The following SV2C variants were observed in gnomAD, a reference collection of about 807,000 sequenced individuals.
The protein encoded by SV2C is synaptic vesicle glycoprotein 2C.
Under a neutral mutation model 79.7 loss-of-function variants are expected in SV2C, and 49 were observed. The ratio of observed to expected loss-of-function variants is 0.61; its 90% confidence interval spans 0.49 to 0.78. The LOEUF (loss-of-function observed/expected upper bound fraction) is 0.78. SV2C is among the 30% of genes least tolerant of loss of function. SV2C has a pLI of 0.00. For synonymous variants in SV2C, 334 were observed against 333.2 expected (o/e 1.00, Z -0.03); for missense variants, 833 against 912.9 (o/e 0.91, Z 1.13).
At chr5:75,970,695 C>A in the SV2C span, among the ~76,000 whole-genome samples, 3 of 151,852 alleles carry the variant, frequency 2.0e-5, no homozygotes, top group Admixed American at 6.6e-5. Context: ...GCTTACCAAC[C>A]AAAAAAAGTC....
chr5:75,991,157 G>A, the SV2C span, among the ~76,000 whole-genome samples: 1 of 151,890 alleles, frequency 6.6e-6, no homozygotes, highest in African/African-American at 2.4e-5. Context: ...TTAACAGTAT[G>A]TTGTTTAAAA....
At chr5:76,070,014 T>G in the SV2C span, among the ~76,000 whole-genome samples, 4 of 152,128 alleles carry the variant, frequency 2.6e-5, no homozygotes, top group African/African-American at 9.7e-5. Context: ...TGTGCTGGCT[T>G]ATCACTTATT....
At position 76,330,066 on chromosome 5, in the gene SV2C, A is replaced by C. The variant is rs1749129750; in HGVS notation, c.*4519A>C. 6.1e-5 allele frequency: 2 copies of C among 32,794 alleles called. No individual in the cohort carries two copies. The highest frequency in any genetic ancestry group is 1.7e-4 in the Non-Finnish European group (2 of 11,814). The allele number at this position is 32,794 out of a possible 1,614,324, so 2.0% of individuals were successfully genotyped here. A position where few individuals can be genotyped will look rare whatever the true frequency, so the allele number is the denominator to read the frequency against. ...TCTCTTGTTATCTGTAATGTAGACAAAAAAAAAAAAAAACCTGTTAGTATA... is the reference window on the plus strand; with the variant it reads ...TCTCTTGTTATCTGTAATGTAGACACAAAAAAAAAAAAACCTGTTAGTATA... On this transcript the variant is annotated 3_prime_UTR_variant, in exon 13 of 13. Coordinates refer to ENST00000502798, the MANE Select transcript of SV2C (RefSeq NM_014979.4).
At chr5:76,218,398 A>G (rs181291877) in intron 4 of SV2C, among the ~76,000 whole-genome samples, 1 of 152,370 alleles carries the variant, frequency 6.6e-6, no homozygotes, top group Admixed American at 6.5e-5. Flanking sequence ...AATGTGGCAT[A>G]TATACAACAT....
chr5:76,037,871 C>G, the SV2C span, among the ~76,000 whole-genome samples: 1 of 152,242 alleles, frequency 6.6e-6, no homozygotes, highest in African/African-American at 2.4e-5. Flanking sequence ...TTTGATCTGA[C>G]TGCTGTGCTA....
At chr5:75,897,383 T>C in the SV2C span, among the ~76,000 whole-genome samples, 1 of 151,684 alleles carries the variant, frequency 6.6e-6, no homozygotes, top group African/African-American at 2.4e-5. Flanking sequence ...GTTGTAGATA[T>C]GCGGCGTTAT....
the SV2C span, among the ~76,000 whole-genome samples, chr5:75,918,311 G>A: frequency 6.6e-6 from 1 of 152,110 alleles, no homozygotes; most frequent in Non-Finnish European, 1.5e-5. Context: ...TTTCTTTTTG[G>A]TGTGTCCAAA....
chr5:76,170,072 T>A (rs994631949), intron 2 of SV2C, among the ~76,000 whole-genome samples: 3 of 152,188 alleles, frequency 2.0e-5, no homozygotes, highest in South Asian at 4.1e-4. Context: ...TTTTTATTTT[T>A]ATTTTTATTT....
the SV2C span, among the ~76,000 whole-genome samples, chr5:76,067,771 T>C: frequency 6.6e-6 from 1 of 152,180 alleles, no homozygotes; most frequent in South Asian, 2.1e-4. Flanking sequence ...TTTAGTAAAA[T>C]GTTGTGATTT....
chr5:75,956,833 C>G, the SV2C span, among the ~76,000 whole-genome samples: 1 of 151,968 alleles, frequency 6.6e-6, no homozygotes, highest in Non-Finnish European at 1.5e-5. Context: ...GTAGAGATAG[C>G]AGCTACTCAA....
chr5:75,919,452 A>G, the SV2C span, among the ~76,000 whole-genome samples: 1 of 152,220 alleles, frequency 6.6e-6, no homozygotes, highest in Non-Finnish European at 1.5e-5. Flanking sequence ...ATTAAATGCA[A>G]TTCTTTCCCA....
intron 2 of SV2C, among the ~76,000 whole-genome samples, chr5:76,148,008 G>A (rs1039077397): frequency 3.9e-5 from 6 of 151,920 alleles, no homozygotes; most frequent in Admixed American, 1.3e-4. Flanking sequence ...ATTCTTTGAT[G>A]TTTCTGTGCT....
At chr5:76,117,518 A>G (rs1748311585) in intron 1 of SV2C, among the ~76,000 whole-genome samples, 1 of 152,234 alleles carries the variant, frequency 6.6e-6, no homozygotes. Flanking sequence ...ATCAATAAAT[A>G]CTTGCAGAAG....
chr5:75,945,586 T>C, the SV2C span, among the ~76,000 whole-genome samples: 2 of 152,094 alleles, frequency 1.3e-5, no homozygotes, highest in African/African-American at 2.4e-5. Context: ...CCCAAAGTGC[T>C]GGGATTACAG....
At chr5:75,858,542 AG>A in the SV2C span, among the ~76,000 whole-genome samples, 1 of 152,224 alleles carries the variant, frequency 6.6e-6, no homozygotes, top group Non-Finnish European at 1.5e-5. Context: ...AAAGTTCTTC[AG>A]GGACATTGGG....
At chr5:76,227,582 G>A (rs768967696) in intron 4 of SV2C, among the ~76,000 whole-genome samples, 10 of 152,134 alleles carry the variant, frequency 6.6e-5, no homozygotes, top group Non-Finnish European at 1.2e-4. Flanking sequence ...ACTCTTTGAG[G>A]CCAGAGCTGA....
intron 4 of SV2C, among the ~76,000 whole-genome samples, chr5:76,248,662 A>G (rs1440883397): frequency 6.7e-6 from 1 of 148,416 alleles, no homozygotes; most frequent in Admixed American, 6.8e-5. Flanking sequence ...TCTGTCACCC[A>G]GGCTGGAGTG....
At chr5:76,320,688 T>C (rs577532178) in intron 12 of SV2C, among the ~76,000 whole-genome samples, 2 of 152,306 alleles carry the variant, frequency 1.3e-5, no homozygotes, top group South Asian at 4.1e-4. Context: ...TAAGTCTTCT[T>C]TGGTACACAA....
chr5:76,341,873 G>A (rs1016655925), intron 12 of SV2C, among the ~76,000 whole-genome samples: 7 of 152,086 alleles, frequency 4.6e-5, no homozygotes, highest in East Asian at 1.9e-4. Flanking sequence ...GTGGGGAGGG[G>A]GTGGAACCTT....
Sources: gnomAD v4.1 joint callset for allele counts (sites outside exome capture counted in the v4.1 genomes callset) on GRCh38, gnomAD v4.1.1 for gene constraint, MANE v1.5 for transcripts, NCBI Gene and HGNC (gene_info 2026-07-23, HGNC 2026-07-21) for gene names.